Variants in CFAP92 observed in about 807,000 individuals in gnomAD.
The protein encoded by CFAP92 is uncharacterized protein CFAP92.
A neutral mutation model predicts 106.3 loss-of-function variants in CFAP92; 86 were observed. The observed-to-expected ratio is 0.81, with a 90% CI of 0.68 to 0.97. The LOEUF (loss-of-function observed/expected upper bound fraction) is 0.97. Ranked by LOEUF, CFAP92 falls within the 50% of genes least tolerant of loss-of-function variation. CFAP92 has a pLI of 0.00. For synonymous variants in CFAP92, 477 were observed against 506.4 expected (o/e 0.94, Z 0.78); for missense variants, 1,204 against 1,283.8 (o/e 0.94, Z 0.95).
intron 9 of CFAP92, among the ~76,000 whole-genome samples, chr3:128,961,003 CA>C (rs774165840): frequency 4.6e-5 from 7 of 152,128 alleles, no homozygotes; most frequent in Non-Finnish European, 1.0e-4. Flanking sequence ...TTCCACCCTC[CA>C]TTCCTCCTCC....
intron 9 of CFAP92, among the ~76,000 whole-genome samples, chr3:128,946,416 C>G (rs967970794): frequency 1.3e-5 from 2 of 152,120 alleles, no homozygotes; most frequent in Non-Finnish European, 2.9e-5. Context: ...AGGTGCCAAG[C>G]TGAAAACTGA....
chr3:128,954,945 G>A lies in CFAP92; in HGVS notation c.1354-8970C>T, dbSNP rs1351853105. On this transcript the variant is annotated intron_variant, in intron 9 of 15. Transcript: ENST00000645291. ...GTGTCGGCCCCCCGCCCGGCCAGCCGCCCCGTCCGGGAGGGAGGTGGGGCG... is the reference window on the plus strand; with the variant it reads ...GTGTCGGCCCCCCGCCCGGCCAGCCACCCCGTCCGGGAGGGAGGTGGGGCG... Among the ~76,000 whole-genome samples, 2 of 34,280 alleles carry A rather than the reference G, an allele frequency of 5.8e-5. 1 individual carries two copies. Among genetic ancestry groups the A allele is most frequent in the East Asian group, 2.6e-3 (2 of 784 alleles). 22.5% of individuals were successfully genotyped at this position (34,280 alleles called of 152,430 possible).
chr3:128,913,073 A>AT, intron 15 of CFAP92: 2 of 454,100 alleles, frequency 4.4e-6, no homozygotes, highest in Non-Finnish European at 8.8e-6. Flanking sequence ...ACCAGGAACC[A>AT]TTTAACAAAG....
chr3:129,011,777 G>A, the CFAP92 span, among the ~76,000 whole-genome samples: 4 of 152,148 alleles, frequency 2.6e-5, no homozygotes, highest in Admixed American at 2.0e-4. Flanking sequence ...GACAGAGCCT[G>A]GGCCCACACT....
rs533836798 is a variant in CFAP92, at chr3:128,977,732, G to A, written c.808+313C>T. ...AAATTAGCTGGGTGTGGTAGTGGGC[G>A]CCTGTAATCCCAGCTACTCGGGAGG... On this transcript the variant is annotated intron_variant, in intron 5 of 15. Coordinates refer to ENST00000645291, the MANE Select transcript of CFAP92 (RefSeq NM_001394090.1). Among the ~76,000 whole-genome samples the A allele has an allele frequency of 2.6e-4, 40 of 152,198 alleles. No individual in the cohort carries two copies. In the South Asian group the frequency reaches 4.8e-3, roughly 18 times the overall value.
chr3:128,945,036 T>A lies in CFAP92; in HGVS notation c.2258+35A>T, dbSNP rs565365052. 5 of 1,466,464 alleles carry A rather than the reference T, an allele frequency of 3.4e-6. 1 individual carries two copies. The Admixed American group carries it at 7.0e-5, about 20-fold the overall frequency. 90.8% of individuals were successfully genotyped at this position (1,466,464 alleles called of 1,614,324 possible). The stretch of plus-strand genomic sequence containing the variant: ...CCACTCCCTCGGCATCCAGATGCCA[T>A]CATTTTTATGTAAAATGTAAAACAA... On this transcript the variant is annotated intron_variant, in intron 10 of 15. Coordinates refer to ENST00000645291, the MANE Select transcript of CFAP92 (RefSeq NM_001394090.1).
chr3:128,982,644 C>T (rs891048014), intron 4 of CFAP92, among the ~76,000 whole-genome samples: 3 of 152,140 alleles, frequency 2.0e-5, no homozygotes, highest in South Asian at 2.1e-4. Flanking sequence ...CCTCACTAAG[C>T]TTAATCATTT....
intron 10 of CFAP92, among the ~76,000 whole-genome samples, chr3:128,943,921 T>TCCCA (rs1939931492): frequency 1.3e-4 from 6 of 44,638 alleles, no homozygotes; most frequent in African/African-American, 4.6e-4. Context: ...ATTTCCCCCG[T>TCCCA]TTTTTTTTTT....
chr3:128,938,937 A>C (rs1208016545), intron 10 of CFAP92, among the ~76,000 whole-genome samples: 3 of 152,184 alleles, frequency 2.0e-5, no homozygotes, highest in African/African-American at 7.2e-5. Context: ...AAAAAACAAA[A>C]CAAAAACTCC....
At chr3:128,910,638 C>T in intron 15 of CFAP92, 1 of 1,274,364 alleles carries the variant, frequency 7.8e-7, no homozygotes, top group Non-Finnish European at 1.1e-6. Context: ...GGCCTTGTGA[C>T]CCCTGCCATG....
intron 15 of CFAP92, among the ~76,000 whole-genome samples, chr3:128,913,742 G>A (rs913879545): frequency 2.0e-5 from 3 of 152,088 alleles, no homozygotes; most frequent in Admixed American, 2.0e-4. Flanking sequence ...TTTAAAATGG[G>A]GAAAGTTTGT....
intron 12 of CFAP92, among the ~76,000 whole-genome samples, chr3:128,930,123 G>A (rs887088582): frequency 1.3e-5 from 2 of 152,026 alleles, no homozygotes; most frequent in Non-Finnish European, 2.9e-5. Flanking sequence ...TAAATAAATT[G>A]TATACTACTA....
intron 12 of CFAP92, among the ~76,000 whole-genome samples, chr3:128,926,016 C>T (rs577986112): frequency 2.6e-5 from 4 of 152,192 alleles, no homozygotes; most frequent in Admixed American, 1.3e-4. Context: ...AATGAAAAGA[C>T]GAGTCACAGA....
chr3:128,952,900 T>C (rs985459931), intron 9 of CFAP92, among the ~76,000 whole-genome samples: 3 of 151,286 alleles, frequency 2.0e-5, no homozygotes, highest in African/African-American at 7.3e-5. Context: ...CTGACCAAGA[T>C]AGTGAAACCC....
intron 9 of CFAP92, among the ~76,000 whole-genome samples, chr3:128,952,124 C>T (rs1171834869): frequency 7.1e-6 from 1 of 141,470 alleles, no homozygotes; most frequent in South Asian, 2.2e-4. Context: ...TCTTTCTTTT[C>T]TTCTTCTTCT....
intron 8 of CFAP92, chr3:128,968,846 G>A (rs57877869): frequency 0.011 from 1,798 of 156,522 alleles, 23 homozygotes; most frequent in African/African-American, 0.041. Flanking sequence ...GGTAGCTCAC[G>A]CCTGTAATCC....
chr3:128,951,447 T>A (rs1183007658), intron 9 of CFAP92, among the ~76,000 whole-genome samples: 1 of 151,920 alleles, frequency 6.6e-6, no homozygotes, highest in African/African-American at 2.4e-5. Flanking sequence ...TGGATCAAGA[T>A]GGAATAGACA....
Position 129,002,043 on chromosome 3 carries a change from G to C in CFAP92, n.117+531C>G, listed in dbSNP as rs747504557. 6.3e-5 allele frequency: 97 copies of C among 1,543,538 alleles called. No individual in the cohort carries two copies. The South Asian group carries it at 1.1e-3, about 17-fold the overall frequency. On this transcript the variant is annotated intron_variant and non_coding_transcript_variant, in intron 1 of 4. Coordinates refer to the CFAP92 transcript ENST00000510149. ...CCTGGCGCTGCGCGCCGAGCCGCCGGAGCTCACCTTCCGCCAGTTCCACGC... is the reference window on the plus strand; with the variant it reads ...CCTGGCGCTGCGCGCCGAGCCGCCGCAGCTCACCTTCCGCCAGTTCCACGC...
upstream of CFAP92, among the ~76,000 whole-genome samples, chr3:128,996,261 A>G (rs552423224): frequency 5.3e-5 from 8 of 152,378 alleles, no homozygotes; most frequent in Admixed American, 1.3e-4. Flanking sequence ...CCTGGCTGAC[A>G]TTGAGGAACA....
Sources: gnomAD v4.1 joint callset for allele counts (sites outside exome capture counted in the v4.1 genomes callset) on GRCh38, gnomAD v4.1.1 for gene constraint, MANE v1.5 for transcripts, NCBI Gene and HGNC (gene_info 2026-07-23, HGNC 2026-07-21) for gene names.